Variants in PPT2 observed in about 807,000 individuals in gnomAD.
The protein encoded by PPT2 is palmitoyl-protein thioesterase 2, also known as lysosomal thioesterase PPT2.
In PPT2, 20 loss-of-function variants were observed where a neutral mutation model predicts 37.3. That is an observed-to-expected ratio of 0.54 (90% confidence interval 0.38 to 0.78). PPT2 has a LOEUF of 0.78. Among genes scored for constraint, PPT2 ranks in the 30% least tolerant of loss-of-function variants. The pLI is 0.00. For missense variants in PPT2, 270 were observed against 389.8 expected (o/e 0.69, Z 2.59); for synonymous variants, 135 against 159.1 (o/e 0.85, Z 1.14).
chr6:32,154,929 G>C lies in PPT2; in HGVS notation c.184-101G>C, dbSNP rs959298865. 7.7e-6 allele frequency: 12 copies of C among 1,554,664 alleles called. No homozygotes were observed. The highest frequency in any genetic ancestry group is 1.7e-5 in the Admixed American group (1 of 57,862). Reference sequence around the variant, plus strand: ...GGGAGAGTTGGGGGACGGGATCCCTGGTTCTAGCAGGGTACAATAGACCTG... The same window carrying C: ...GGGAGAGTTGGGGGACGGGATCCCTCGTTCTAGCAGGGTACAATAGACCTG... On this transcript the variant is annotated intron_variant, in intron 2 of 8. Coordinates refer to ENST00000324816, the MANE Select transcript of PPT2 (RefSeq NM_005155.7). This position sits in a 1 kb window ranked among gnomAD's most constrained non-coding sequence, Gnocchi z 7.3.
At chr6:32,157,075 G>C (rs1783847473) in intron 5 of PPT2, 1 of 153,170 alleles carries the variant, frequency 6.5e-6, no homozygotes, top group Non-Finnish European at 1.5e-5. Context: ...CAGCTACTCA[G>C]GATGCTGAGT....
At chr6:32,161,038 C>T (rs1018826764) in intron 7 of PPT2, among the ~76,000 whole-genome samples, 1 of 151,672 alleles carries the variant, frequency 6.6e-6, no homozygotes, top group African/African-American at 2.4e-5. Context: ...CATTTATACT[C>T]CTCACCTAGA....
intron 7 of PPT2, among the ~76,000 whole-genome samples, chr6:32,161,904 G>C (rs1431080552): frequency 1.1e-4 from 17 of 152,052 alleles, no homozygotes; most frequent in Non-Finnish European, 2.1e-4. Context: ...TTTTAGTAGA[G>C]ATGGGGTTTC....
Position 32,154,667 on chromosome 6 carries a change from C to T in PPT2, c.73C>T (p.Leu25=), listed in dbSNP as rs776138788. Residue 25 remains leucine (L), a synonymous_variant, in exon 2 of 9, where the codon CTG becomes TTG. Transcript: ENST00000324816. The surrounding 1 kb of genome is among the most constrained non-coding windows in gnomAD (Gnocchi z 7.3). ...TCTGTTGCCTTTCCTGCCGCTGCTGCTGCTTGCAGCCCCCGCGCCCCACCG... is the reference window on the plus strand; with the variant it reads ...TCTGTTGCCTTTCCTGCCGCTGCTGTTGCTTGCAGCCCCCGCGCCCCACCG... ...LLLLPFLPLL[L]LAAPAPHRAS... is the part of the protein sequence containing the mutation. 5.0e-6 allele frequency: 8 copies of T among 1,612,862 alleles called. No individual in the cohort carries two copies. The Admixed American group carries it at 5.0e-5, about 10-fold the overall frequency.
At chr6:32,158,668 A>C (rs1330447950) in intron 7 of PPT2, among the ~76,000 whole-genome samples, 1 of 152,236 alleles carries the variant, frequency 6.6e-6, no homozygotes, top group Non-Finnish European at 1.5e-5. Flanking sequence ...GTAATAAGGC[A>C]GGGGAAAGGA....
In PPT2 at chr6:32,156,358, G is replaced by A. The variant is rs1245003325; in HGVS notation, c.541+380G>A. Among the ~76,000 whole-genome samples, 2 of 152,056 alleles carry A rather than the reference G, an allele frequency of 1.3e-5. No homozygotes were observed. The highest frequency in any genetic ancestry group is 1.5e-5 in the Non-Finnish European group (1 of 68,006). On this transcript the variant is annotated intron_variant, in intron 5 of 8. Transcript: ENST00000324816. This position sits in a 1 kb window ranked among gnomAD's most constrained non-coding sequence, Gnocchi z 4.9. ...TGACCTCAGGTGATCCACTCGCCTC[G>A]GCCTCCCAAAGTGCTGGGATTACAG...
Position 32,155,863 on chromosome 6 carries a change from C to T in PPT2, c.434-8C>T. The T allele has an allele frequency of 3.1e-6, 5 of 1,613,322 alleles. No individual in the cohort carries two copies. Among genetic ancestry groups the T allele is most frequent in the Non-Finnish European group, 4.2e-6 (5 of 1,179,304 alleles). On this transcript the variant is annotated splice_polypyrimidine_tract_variant and splice_region_variant and intron_variant, in intron 4 of 8. Coordinates refer to ENST00000324816, the MANE Select transcript of PPT2 (RefSeq NM_005155.7). The surrounding 1 kb of genome is among the most constrained non-coding windows in gnomAD (Gnocchi z 4.3). Reference sequence around the variant, plus strand: ...TATGGTCACTTAGCATTGCCATTCGCTTGCCAGACACGGACTACTTGAAGT... The same window carrying T: ...TATGGTCACTTAGCATTGCCATTCGTTTGCCAGACACGGACTACTTGAAGT...
At chr6:32,161,123 T>A (rs1784128063) in intron 7 of PPT2, among the ~76,000 whole-genome samples, 1 of 150,756 alleles carries the variant, frequency 6.6e-6, no homozygotes, top group Non-Finnish European at 1.5e-5. Flanking sequence ...TTTATTTATA[T>A]ACGTTAATGT....
chr6:32,154,361 T>TC lies in PPT2; in HGVS notation c.-47dup. ...GAAGATCCTGGACCTAGAGAACAAG[T>TC]CCCCCGAACGCTGAGTTGGAGGCGG... On this transcript the variant is annotated 5_prime_UTR_variant, in exon 1 of 9. Coordinates refer to ENST00000324816, the MANE Select transcript of PPT2 (RefSeq NM_005155.7). The surrounding 1 kb of genome is among the most constrained non-coding windows in gnomAD (Gnocchi z 7.3). 1 of 1,419,742 alleles carries TC rather than the reference T, an allele frequency of 7.0e-7. No individual in the cohort carries two copies. Among genetic ancestry groups the TC allele is most frequent in the Non-Finnish European group, 9.2e-7 (1 of 1,091,396 alleles). 87.9% of individuals were successfully genotyped at this position (1,419,742 alleles called of 1,614,324 possible). A position where few individuals can be genotyped will look rare whatever the true frequency, so the allele number is the denominator to read the frequency against.
rs781104564 is a variant in PPT2 at position 32,155,937 on chromosome 6, G to A, written c.500G>A (p.Ser167Asn). 1.2e-6 allele frequency: 2 copies of A among 1,614,048 alleles called. No individual in the cohort carries two copies. The highest frequency in any genetic ancestry group is 2.2e-5 in the South Asian group (2 of 91,076). Residue 167 changes from serine to asparagine, a missense_variant, in exon 5 of 9, where the codon AGC (serine) becomes AAC (asparagine). Ser to Asn is a conservative substitution (Grantham distance 46, BLOSUM62 1). Coordinates refer to ENST00000324816, the MANE Select transcript of PPT2 (RefSeq NM_005155.7). The surrounding 1 kb of genome is among the most constrained non-coding windows in gnomAD (Gnocchi z 4.3). Reference protein sequence around the residue: ...MRSNLYRICYSPWGQEFSICN... With the variant: ...MRSNLYRICYNPWGQEFSICN... ...TCTAACCTCTATCGGATCTGCTATA[G>A]CCCCTGGGGCCAGGAATTCTCCATC...
intron 7 of PPT2, among the ~76,000 whole-genome samples, chr6:32,159,242 C>T (rs12197599): frequency 0.025 from 3,825 of 151,404 alleles, 80 homozygotes; most frequent in South Asian, 0.092. Flanking sequence ...GAGACTAGCC[C>T]GACCAACATG....
chr6:32,155,867 C>G lies in PPT2; in HGVS notation c.434-4C>G. ...GTCACTTAGCATTGCCATTCGCTTG[C>G]CAGACACGGACTACTTGAAGTGGCT... On this transcript the variant is annotated splice_polypyrimidine_tract_variant and splice_region_variant and intron_variant, in intron 4 of 8. Transcript: ENST00000324816. This position sits in a 1 kb window ranked among gnomAD's most constrained non-coding sequence, Gnocchi z 4.3. 6.2e-7 allele frequency: 1 copy of G among 1,613,434 alleles called. No homozygotes were observed. Among genetic ancestry groups the G allele is most frequent in the South Asian group, 1.1e-5 (1 of 91,062 alleles).
At position 32,154,427 on chromosome 6, in the gene PPT2, T is replaced by G. The variant is rs1484742707; in HGVS notation, c.-9+23T>G. 6.8e-5 allele frequency: 95 copies of G among 1,400,666 alleles called. 1 individual carries two copies. The highest frequency in any genetic ancestry group is 2.7e-4 in the Middle Eastern group (1 of 3,720). 86.8% of individuals were successfully genotyped at this position (1,400,666 alleles called of 1,614,324 possible). A position where few individuals can be genotyped will look rare whatever the true frequency, so the allele number is the denominator to read the frequency against. ...TTGGTGCGTCAACGTGGTGGGGGGG[T>G]GTGTTTGTAGGGAGAGGGCTGGAGT... On this transcript the variant is annotated intron_variant, in intron 1 of 8. Transcript: ENST00000324816. This position sits in a 1 kb window ranked among gnomAD's most constrained non-coding sequence, Gnocchi z 7.3.
rs751281513 is a variant in PPT2 at position 32,157,687 on chromosome 6, A to G, written c.592A>G (p.Ile198Val). 1 of 1,604,336 alleles carries G rather than the reference A, an allele frequency of 6.2e-7. No homozygotes were observed. The highest frequency in any genetic ancestry group is 1.1e-5 in the South Asian group (1 of 90,868). Residue 198 changes from isoleucine (I) to valine (V), a missense_variant, in exon 6 of 9, where the codon ATC becomes GTC. Coordinates refer to ENST00000324816, the MANE Select transcript of PPT2 (RefSeq NM_005155.7). Reference sequence around the variant, plus strand: ...CAATGCCAGCAGCTTCCTGGCCCTGATCAATGGGGAAAGAGACCATCCCAA... The same window carrying G: ...CAATGCCAGCAGCTTCCTGGCCCTGGTCAATGGGGAAAGAGACCATCCCAA... Reference protein sequence around the residue: ...YLNASSFLALINGERDHPNAT... With the variant: ...YLNASSFLALVNGERDHPNAT...
intron 7 of PPT2, 64 bp downstream of exon 7, chr6:32,157,988 ATCTC>A: frequency 7.2e-7 from 1 of 1,386,432 alleles, no homozygotes; most frequent in South Asian, 1.2e-5. Context: ...GTTGGTCTTT[ATCTC>A]ATGCCTAAAC....
upstream of PPT2, chr6:32,153,827 A>C (rs1783521552): frequency 9.6e-7 from 1 of 1,039,318 alleles, no homozygotes; most frequent in Non-Finnish European, 1.4e-6. The surrounding 1 kb of genome is among the most constrained non-coding windows in gnomAD (Gnocchi z 4.4). Flanking sequence ...TCTGCTGCGG[A>C]GCCAGACGCC....
chr6:32,156,031 C>T lies in PPT2; in HGVS notation c.541+53C>T. ...CCATGGATCAGGTCAGTTGCTTCCA[C>T]CTCTGCTACAACCAATAGCAGTGAT... On this transcript the variant is annotated intron_variant, in intron 5 of 8. Transcript: ENST00000324816. The surrounding 1 kb of genome is among the most constrained non-coding windows in gnomAD (Gnocchi z 4.9). 1 of 1,322,412 alleles carries T rather than the reference C, an allele frequency of 7.6e-7. No homozygotes were observed. The highest frequency in any genetic ancestry group is 1.2e-5 in the South Asian group (1 of 85,002). 81.9% of individuals were successfully genotyped at this position (1,322,412 alleles called of 1,614,324 possible).
In PPT2 at chr6:32,162,231, CCTTTT is replaced by C. The variant is rs1249253890; in HGVS notation, c.711-336_711-332del. ...TTTTCTTTCCTTTTTCCTTTCCTTTCCTTTTTGAGATGGGGTCCCGCTCTGTCACC... is the reference window on the plus strand; with the variant it reads ...TTTTCTTTCCTTTTTCCTTTCCTTTCTGAGATGGGGTCCCGCTCTGTCACC... On this transcript the variant is annotated intron_variant, in intron 7 of 8. Transcript: ENST00000324816. This position sits in a 1 kb window ranked among gnomAD's most constrained non-coding sequence, Gnocchi z 5.5. Among the ~76,000 whole-genome samples the C allele has an allele frequency of 6.6e-6, 1 of 151,940 alleles. No homozygotes were observed. Among genetic ancestry groups the C allele is most frequent in the Admixed American group, 6.6e-5 (1 of 15,246 alleles).
chr6:32,153,689 G>C, upstream of PPT2: 1 of 1,560,950 alleles, frequency 6.4e-7, no homozygotes. This position sits in a 1 kb window ranked among gnomAD's most constrained non-coding sequence, Gnocchi z 4.4. Context: ...GGGTGTTGAG[G>C]GGCACGCCCG....
Sources: allele counts gnomAD v4.1 joint callset (sites outside exome capture counted in the v4.1 genomes callset), GRCh38; gene constraint gnomAD v4.1.1; non-coding constraint Gnocchi (gnomAD v3.1); transcripts MANE v1.5; gene names NCBI Gene and HGNC (gene_info 2026-07-23, HGNC 2026-07-21).